Variants in COL4A5 observed in about 807,000 individuals in gnomAD.
COL4A5 encodes the protein collagen alpha-5(IV) chain.
In COL4A5, 26 loss-of-function variants were observed where a neutral mutation model predicts 130.2. The ratio of observed to expected loss-of-function variants is 0.20; its 90% CI spans 0.15 to 0.28. COL4A5 has a LOEUF of 0.28. Among genes scored for constraint, COL4A5 ranks in the 10% least tolerant of loss-of-function variants. The pLI, the probability that COL4A5 is intolerant of heterozygous loss-of-function variation, is 1.00. For missense variants in COL4A5, 1,131 were observed against 1,344.3 expected (o/e 0.84, Z 2.48); for synonymous variants, 496 against 439.6 (o/e 1.13, Z -1.60).
chrX:108,506,925 A>G (rs939545100), intron 1 of COL4A5, among the ~76,000 whole-genome samples: 14 of 111,020 alleles, frequency 1.3e-4, no homozygotes, highest in African/African-American at 4.6e-4. Flanking sequence ...TTGTTTATAC[A>G]TCTTTTCAGT....
chrX:108,464,525 A>C (rs762156803), intron 1 of COL4A5, among the ~76,000 whole-genome samples: 1 of 112,188 alleles, frequency 8.9e-6, no homozygotes, highest in Admixed American at 9.5e-5. Flanking sequence ...AGGCTTCTTA[A>C]GATTTTAAAT....
At chrX:108,555,820 C>T (rs1357442719) in intron 2 of COL4A5, among the ~76,000 whole-genome samples, 1 of 111,908 alleles carries the variant, frequency 8.9e-6, no homozygotes, top group African/African-American at 3.2e-5. Context: ...TTTTATTCTT[C>T]TTAATAAATG....
In COL4A5 at chrX:108,621,841, C is replaced by A. The variant is rs754088046; in HGVS notation, c.2716C>A (p.Pro906Thr). The stretch of plus-strand genomic sequence containing the variant: ...AATGGGTATGATGGGACCTCCAGGC[C>A]CACCAGGACCTTTGGGAATTCCTGG... ...GEMGMMGPPG[P>T]PGPLGIPGRS... is the part of the protein sequence containing the mutation. The change falls in exon 32 of 53, where the codon CCA becomes ACA. Residue 906 changes from proline to threonine, a missense_variant. By Grantham distance (38) the Pro-to-Thr change is conservative (BLOSUM62 -1). Coordinates refer to ENST00000328300, the MANE Select transcript of COL4A5 (RefSeq NM_033380.3). 7 of 1,208,187 alleles carry A rather than the reference C, an allele frequency of 5.8e-6. No homozygotes were observed. Among genetic ancestry groups the A allele is most frequent in the Non-Finnish European group, 4.5e-6 (4 of 893,843 alleles).
chrX:108,450,465 T>TTTCTTGAAAATGAGTAGAATTAGCCTACC (rs1471060530), intron 1 of COL4A5, among the ~76,000 whole-genome samples: 1 of 111,877 alleles, frequency 8.9e-6, no homozygotes, highest in Non-Finnish European at 1.9e-5. Context: ...TGGCGGGCAT[T>TTTCTTGAAAATGAGTAGAATTAGCCTACC]TTCTTGAAAA....
At chrX:108,526,725 CT>C (rs1239694615) in intron 1 of COL4A5, among the ~76,000 whole-genome samples, 1 of 80,321 alleles carries the variant, frequency 1.2e-5, no homozygotes, top group African/African-American at 4.5e-5. Flanking sequence ...TTCTTTCTTT[CT>C]TCCTCCTCCT....
chrX:108,612,592 A>G (rs1172663813), intron 29 of COL4A5, among the ~76,000 whole-genome samples: 1 of 111,937 alleles, frequency 8.9e-6, no homozygotes, highest in Non-Finnish European at 1.9e-5. Context: ...GCATAGGTCC[A>G]ACAAAAATGT....
At position 108,570,547 on chromosome X, in the gene COL4A5, T is replaced by G. The variant is rs371455553; in HGVS notation, c.385-866T>G. On this transcript the variant is annotated intron_variant, in intron 6 of 52. Coordinates refer to ENST00000328300, the MANE Select transcript of COL4A5 (RefSeq NM_033380.3). ...TGCATATTTTTAAAGTCTGAATGCT[T>G]TTCTTATATTTCTTACTATGTAAGT... 6.3e-4 allele frequency among the ~76,000 whole-genome samples: 71 copies of G among 112,310 alleles called. 1 individual carries two copies. Among genetic ancestry groups the G allele is most frequent in the African/African-American group, 2.2e-3 (68 of 31,024 alleles).
intron 42 of COL4A5, 111 bp downstream of exon 42, chrX:108,670,347 A>G (rs1344701222): frequency 3.5e-6 from 4 of 1,141,612 alleles, no homozygotes; most frequent in South Asian, 4.3e-5. Context: ...TGCCAATTCA[A>G]TTCTTACATA....
chrX:108,685,554 A>C (rs2068526671), intron 47 of COL4A5, among the ~76,000 whole-genome samples: 1 of 112,391 alleles, frequency 8.9e-6, no homozygotes, highest in South Asian at 3.7e-4. Flanking sequence ...TTGGTGGGCT[A>C]TCAGTTTCCC....
chrX:108,554,314 C>T (rs764764095), intron 2 of COL4A5, among the ~76,000 whole-genome samples: 6 of 111,483 alleles, frequency 5.4e-5, no homozygotes, highest in Non-Finnish European at 7.5e-5. Context: ...TTAGGGGAAG[C>T]GGGCACCTTC....
chrX:108,508,967 G>A lies in COL4A5; in HGVS notation c.82-30779G>A, dbSNP rs776481233. Among the ~76,000 whole-genome samples the A allele has an allele frequency of 2.7e-5, 3 of 111,812 alleles. No individual in the cohort carries two copies. The East Asian group carries it at 8.4e-4, about 31-fold the overall frequency. Reference sequence around the variant, plus strand: ...CAAAACTGTAAAAACCCTAGAAGACGATCTAGGCAATACCAATCTGGACAT... The same window carrying A: ...CAAAACTGTAAAAACCCTAGAAGACAATCTAGGCAATACCAATCTGGACAT... On this transcript the variant is annotated intron_variant, in intron 1 of 52. Transcript: ENST00000328300.
chrX:108,687,619 G>A lies in COL4A5; in HGVS notation c.4453G>A (p.Gly1485Arg). The A allele has an allele frequency of 8.3e-7, 1 of 1,211,314 alleles. No homozygotes were observed. Reference protein sequence around the residue: ...QTTDAPQCPQGTLQVYEGFSL... With the variant: ...QTTDAPQCPQRTLQVYEGFSL... Reference sequence around the variant, plus strand: ...AACGGATGCACCACAATGCCCACAGGGAACACTTCAGGTCTATGAAGGCTT... The same window carrying A: ...AACGGATGCACCACAATGCCCACAGAGAACACTTCAGGTCTATGAAGGCTT... The change falls in exon 49 of 53, where the codon GGA (glycine) becomes AGA (arginine). Residue 1485 changes from glycine to arginine, a missense_variant. Gly to Arg is a moderately radical substitution (Grantham distance 125). Coordinates refer to ENST00000328300, the MANE Select transcript of COL4A5 (RefSeq NM_033380.3).
chrX:108,642,154 G>A (rs1378246294), intron 36 of COL4A5, among the ~76,000 whole-genome samples: 1 of 110,010 alleles, frequency 9.1e-6, no homozygotes. Context: ...ACTCAGCAGA[G>A]GCACCCATAA....
chrX:108,457,420 A>G (rs2064595010), intron 1 of COL4A5, among the ~76,000 whole-genome samples: 1 of 112,092 alleles, frequency 8.9e-6, no homozygotes, highest in African/African-American at 3.2e-5. Context: ...TTAGCATTTT[A>G]TCTTTGGATA....
At position 108,680,866 on chromosome X, in the gene COL4A5, G is replaced by GT. The variant is rs777673845; in HGVS notation, c.4016-18dup. 6.6e-6 allele frequency: 8 copies of GT among 1,205,869 alleles called. No homozygotes were observed. In the East Asian group the frequency reaches 2.4e-4, roughly 36 times the overall value. On this transcript the variant is annotated intron_variant, in intron 45 of 52. Transcript: ENST00000328300. ...AGCCCTGTTGCTTTGCCATAAAACT[G>GT]TATGTACCTTCTGTGCAGGCATGAA...
At chrX:108,460,097 A>T (rs762594785) in intron 1 of COL4A5, among the ~76,000 whole-genome samples, 6 of 111,550 alleles carry the variant, frequency 5.4e-5, no homozygotes, top group Non-Finnish European at 9.4e-5. Context: ...ACACATTTTG[A>T]GTTCATTTGA....
chrX:108,526,536 C>T (rs1363651113), intron 1 of COL4A5, among the ~76,000 whole-genome samples: 4 of 104,609 alleles, frequency 3.8e-5, no homozygotes, highest in South Asian at 4.6e-4. Flanking sequence ...TTCTTTCTCT[C>T]GCTCTCCCTT....
At chrX:108,665,074 C>A (rs1472486012) in intron 37 of COL4A5, among the ~76,000 whole-genome samples, 4 of 111,868 alleles carry the variant, frequency 3.6e-5, no homozygotes, top group African/African-American at 6.5e-5. Flanking sequence ...CAGTGGTCTA[C>A]AAAAAGACCT....
In COL4A5 at chrX:108,642,848, CAAAA is replaced by C. The variant is rs35804797; in HGVS notation, c.3247-12465_3247-12462del. 4.9e-4 allele frequency among the ~76,000 whole-genome samples: 17 copies of C among 34,664 alleles called. 1 individual carries two copies. Among genetic ancestry groups the C allele is most frequent in the African/African-American group, 1.2e-3 (17 of 13,611 alleles). The allele number at this position is 34,664 out of a possible 115,157, so 30.1% of individuals were successfully genotyped here. On this transcript the variant is annotated intron_variant, in intron 36 of 52. Transcript: ENST00000328300. The stretch of plus-strand genomic sequence containing the variant: ...AAGGCTCTTTAACACTCCCCCTCTC[CAAAA>C]AAAAAAAAAAAAAAAAAGTCACACT...
Sources: gnomAD v4.1 joint callset for allele counts (sites outside exome capture counted in the v4.1 genomes callset) on GRCh38, gnomAD v4.1.1 for gene constraint, MANE v1.5 for transcripts, NCBI Gene and HGNC (gene_info 2026-07-23, HGNC 2026-07-21) for gene names.